Variants in FGF12 observed in about 807,000 individuals in gnomAD.
The protein encoded by FGF12 is fibroblast growth factor 12B.
FGF12 carries 14 observed loss-of-function variants against 23.6 expected under a neutral mutation model. The observed-to-expected ratio is 0.59, with a 90% confidence interval of 0.39 to 0.93. The LOEUF is 0.93. Ranked by LOEUF, FGF12 falls within the 40% of genes least tolerant of loss-of-function variation. The pLI is 0.00. For missense variants in FGF12, 175 were observed against 217.8 expected, an observed-to-expected ratio of 0.80 and a Z score of 1.24; for synonymous variants, 62 against 77.3, an observed-to-expected ratio of 0.80 and a Z score of 1.04.
chr3:192,538,285 T>G (rs1426220143), intron 2 of FGF12, among the ~76,000 whole-genome samples: 6 of 152,110 alleles, frequency 3.9e-5, no homozygotes, highest in Admixed American at 2.0e-4. Flanking sequence ...GTTTTTGTTT[T>G]TGTATATGGT....
At position 192,617,085 on chromosome 3, in the gene FGF12, A is replaced by C. The variant is rs574830720; in HGVS notation, c.13+110096T>G. 2.9e-4 allele frequency among the ~76,000 whole-genome samples: 44 copies of C among 152,152 alleles called. 1 individual carries two copies. In the Middle Eastern group the frequency reaches 0.041, roughly 141 times the overall value. ...TTTGGAAGGTATGTCAGTACAATAGAAATGAATACGGGCTGGTCCAGTTAA... is the reference window on the plus strand; with the variant it reads ...TTTGGAAGGTATGTCAGTACAATAGCAATGAATACGGGCTGGTCCAGTTAA... On this transcript the variant is annotated intron_variant, in intron 2 of 5. Coordinates refer to ENST00000445105, the MANE Select transcript of FGF12 (RefSeq NM_004113.6).
chr3:192,463,991 T>A (rs918863353), intron 2 of FGF12, among the ~76,000 whole-genome samples: 3 of 152,154 alleles, frequency 2.0e-5, no homozygotes, highest in Non-Finnish European at 4.4e-5. Flanking sequence ...CTACTCCTAC[T>A]CTTAGATCAG....
At chr3:192,404,764 C>G (rs1265779680) in intron 2 of FGF12, among the ~76,000 whole-genome samples, 1 of 152,166 alleles carries the variant, frequency 6.6e-6, no homozygotes, top group African/African-American at 2.4e-5. Context: ...ACAGTCCACA[C>G]AGTGTCTAAG....
intron 2 of FGF12, among the ~76,000 whole-genome samples, chr3:192,568,453 T>C (rs148513763): frequency 3.3e-5 from 5 of 152,288 alleles, no homozygotes; most frequent in African/African-American, 1.2e-4. Flanking sequence ...ACCATTTTGC[T>C]GTATCCTCTC....
chr3:192,545,989 G>A (rs1725485971), intron 2 of FGF12, among the ~76,000 whole-genome samples: 1 of 152,108 alleles, frequency 6.6e-6, no homozygotes, highest in Admixed American at 6.6e-5. Flanking sequence ...AATAAACTAA[G>A]GAAGAAGTCA....
chr3:192,640,790 CTTT>C (rs34132622), intron 2 of FGF12, among the ~76,000 whole-genome samples: 2 of 122,136 alleles, frequency 1.6e-5, no homozygotes, highest in Non-Finnish European at 3.6e-5. Flanking sequence ...GTTAAAACCC[CTTT>C]TTTTTGTTTG....
At chr3:192,582,123 C>T (rs1302527737) in intron 2 of FGF12, among the ~76,000 whole-genome samples, 4 of 151,152 alleles carry the variant, frequency 2.6e-5, no homozygotes, top group Non-Finnish European at 5.9e-5. Flanking sequence ...TTGCATTACA[C>T]TTTGCATTTT....
At chr3:192,190,222 A>G (rs1396353289) in intron 4 of FGF12, among the ~76,000 whole-genome samples, 3 of 152,182 alleles carry the variant, frequency 2.0e-5, no homozygotes, top group East Asian at 3.8e-4. Context: ...ACATCTTCCC[A>G]TAACAAGCAT....
chr3:192,207,410 A>G (rs1717709371), intron 4 of FGF12, among the ~76,000 whole-genome samples: 1 of 152,224 alleles, frequency 6.6e-6, no homozygotes, highest in Admixed American at 6.5e-5. Flanking sequence ...TTTCCTTGGA[A>G]TGCTGGAACA....
At chr3:192,485,607 T>C (rs1301878804) in intron 2 of FGF12, among the ~76,000 whole-genome samples, 2 of 152,148 alleles carry the variant, frequency 1.3e-5, no homozygotes. Context: ...TTATTAACTG[T>C]CTTCCAAAAT....
intron 2 of FGF12, among the ~76,000 whole-genome samples, chr3:192,512,622 A>G (rs1466128305): frequency 3.3e-5 from 5 of 151,436 alleles, no homozygotes; most frequent in Non-Finnish European, 4.4e-5. Flanking sequence ...AAGAGTCACA[A>G]TTTTCGTAAA....
chr3:192,361,438 C>G (rs1718723181), intron 2 of FGF12, among the ~76,000 whole-genome samples: 1 of 152,032 alleles, frequency 6.6e-6, no homozygotes, highest in Non-Finnish European at 1.5e-5. Flanking sequence ...GCCCTTATAG[C>G]TCTAATTATT....
intron 2 of FGF12, among the ~76,000 whole-genome samples, chr3:192,374,441 G>A (rs1037229705): frequency 2.6e-5 from 4 of 152,086 alleles, no homozygotes; most frequent in Admixed American, 1.3e-4. Flanking sequence ...ATTTTTATTC[G>A]TAATTTTAAT....
intron 2 of FGF12, among the ~76,000 whole-genome samples, chr3:192,656,416 A>T (rs945019964): frequency 6.6e-6 from 1 of 152,076 alleles, no homozygotes; most frequent in Non-Finnish European, 1.5e-5. Context: ...ACTTGTGACC[A>T]CTATTTAAAA....
At chr3:192,144,795 T>C (rs1438167764) in intron 5 of FGF12, among the ~76,000 whole-genome samples, 1 of 152,230 alleles carries the variant, frequency 6.6e-6, no homozygotes, top group Non-Finnish European at 1.5e-5. Flanking sequence ...GCTGTAAAGT[T>C]CAGTCATCTG....
intron 4 of FGF12, among the ~76,000 whole-genome samples, chr3:192,235,412 A>G (rs1719237704): frequency 6.6e-6 from 1 of 152,088 alleles, no homozygotes; most frequent in Non-Finnish European, 1.5e-5. Context: ...GGTTCAAATG[A>G]TTCTCCTGCC....
intron 2 of FGF12, among the ~76,000 whole-genome samples, chr3:192,366,718 T>G (rs1016446189): frequency 1.4e-4 from 22 of 152,094 alleles, no homozygotes; most frequent in Admixed American, 6.6e-5. Flanking sequence ...TATAAATGAC[T>G]GTCATATGAA....
At chr3:192,366,461 T>C (rs1718989018) in intron 2 of FGF12, among the ~76,000 whole-genome samples, 1 of 152,200 alleles carries the variant, frequency 6.6e-6, no homozygotes. Context: ...TAACAATGGC[T>C]GTATATTGAA....
chr3:192,390,200 A>T (rs902679218), intron 2 of FGF12, among the ~76,000 whole-genome samples: 1 of 152,106 alleles, frequency 6.6e-6, no homozygotes, highest in Admixed American at 6.5e-5. Context: ...ACAGTTTCCC[A>T]TCTCTATTCA....
Sources: allele counts gnomAD v4.1 joint callset (sites outside exome capture counted in the v4.1 genomes callset), GRCh38; gene constraint gnomAD v4.1.1; transcripts MANE v1.5; gene names NCBI Gene and HGNC (gene_info 2026-07-23, HGNC 2026-07-21).